Variants in ASTN2 observed in about 807,000 individuals in gnomAD.
The protein encoded by ASTN2 is astrotactin-2.
In ASTN2, 54 loss-of-function variants were observed where a neutral mutation model predicts 139.8. The observed-to-expected ratio is 0.39, with a 90% CI of 0.31 to 0.48. The LOEUF is 0.48. Ranked by LOEUF, ASTN2 falls within the 20% of genes least tolerant of loss-of-function variation. The pLI is 0.95. For synonymous variants in ASTN2, 756 were observed against 719.5 expected (o/e 1.05, Z -0.81); for missense variants, 1,565 against 1,725.1 (o/e 0.91, Z 1.64).
chr9:116,685,828 T>G (rs113850994), intron 16 of ASTN2, among the ~76,000 whole-genome samples: 2,798 of 152,126 alleles, frequency 0.018, 87 homozygotes, highest in African/African-American at 0.064. Context: ...CCAGGAGTAT[T>G]TTTAACACTC....
Position 117,161,742 on chromosome 9 carries a change from A to G in ASTN2, c.1016-20264T>C, listed in dbSNP as rs1830557890. Among the ~76,000 whole-genome samples the G allele has an allele frequency of 3.3e-5, 5 of 152,162 alleles. No individual in the cohort carries two copies. The South Asian group carries it at 1.0e-3, about 32-fold the overall frequency. On this transcript the variant is annotated intron_variant, in intron 3 of 22. Coordinates refer to ENST00000313400, the MANE Select transcript of ASTN2 (RefSeq NM_001365068.1). The stretch of plus-strand genomic sequence containing the variant: ...CTTAAAGACTATGTAAGATTCATAT[A>G]TGGGGAGATGGAAGAGCAAAATTCT...
chr9:117,010,656 G>A (rs377183016), intron 6 of ASTN2, among the ~76,000 whole-genome samples: 3 of 150,378 alleles, frequency 2.0e-5, no homozygotes, highest in Admixed American at 6.8e-5. Flanking sequence ...TTTGTCTTAG[G>A]TCAGAATCAT....
At chr9:117,398,798 T>C (rs1052257868) in intron 1 of ASTN2, among the ~76,000 whole-genome samples, 3 of 152,212 alleles carry the variant, frequency 2.0e-5, no homozygotes, top group African/African-American at 7.2e-5. Flanking sequence ...TTAATATTTT[T>C]TGAGATGGAG....
intron 6 of ASTN2, among the ~76,000 whole-genome samples, chr9:117,023,108 A>G (rs755328653): frequency 2.6e-5 from 4 of 152,138 alleles, no homozygotes; most frequent in Non-Finnish European, 4.4e-5. Context: ...ACTGGCCAGG[A>G]GTGGAATGAA....
chr9:116,566,937 ATCT>A (rs1853263982), intron 19 of ASTN2, among the ~76,000 whole-genome samples: 1 of 152,138 alleles, frequency 6.6e-6, no homozygotes, highest in Non-Finnish European at 1.5e-5. Flanking sequence ...GCAAACTCCC[ATCT>A]TCTCTCACAT....
intron 22 of ASTN2, 126 bp downstream of exon 22, chr9:116,440,483 G>A (rs1474524302): frequency 2.3e-6 from 2 of 873,424 alleles, no homozygotes; most frequent in Admixed American, 2.9e-5. Context: ...GCCTTGACAC[G>A]ACCAAGGTGA....
rs376493735 is a variant in ASTN2 at position 116,558,939 on chromosome 9, T to C, written c.3355+59385A>G. On this transcript the variant is annotated intron_variant, in intron 19 of 22. Transcript: ENST00000313400. ...CTCATTCTCGTTCATTTAATATTTA[T>C]TGAGTGTCTACTATGAGCCAGTCAC... Among the ~76,000 whole-genome samples the C allele has an allele frequency of 3.7e-4, 57 of 152,374 alleles. No homozygotes were observed. In the East Asian group the frequency reaches 5.4e-3, roughly 14 times the overall value.
chr9:117,260,028 G>A (rs1269597014), intron 2 of ASTN2, among the ~76,000 whole-genome samples: 1 of 151,946 alleles, frequency 6.6e-6, no homozygotes, highest in Non-Finnish European at 1.5e-5. Context: ...CTTTCTTCTT[G>A]CTTTCCTTTC....
chr9:117,355,891 C>T (rs957912083), intron 1 of ASTN2, among the ~76,000 whole-genome samples: 1 of 152,108 alleles, frequency 6.6e-6, no homozygotes, highest in Non-Finnish European at 1.5e-5. Context: ...CTTGTCCATT[C>T]CAAGCACTTG....
intron 20 of ASTN2, among the ~76,000 whole-genome samples, chr9:116,448,366 C>T (rs113759724): frequency 0.017 from 2,498 of 149,750 alleles, 37 homozygotes; most frequent in Non-Finnish European, 0.027. Flanking sequence ...CCAGCTTAAG[C>T]TTTGGGTCTG....
At chr9:116,489,425 C>T (rs192168744) in intron 19 of ASTN2, among the ~76,000 whole-genome samples, 1 of 152,122 alleles carries the variant, frequency 6.6e-6, no homozygotes, top group African/African-American at 2.4e-5. Context: ...AAGCCTCTGC[C>T]CCGCAGGCTC....
rs150492779 is a variant in ASTN2 at position 117,151,021 on chromosome 9, T to C, written c.1016-9543A>G. On this transcript the variant is annotated intron_variant, in intron 3 of 22. Transcript: ENST00000313400. ...TAGTCAGAGAATGAGTACATTTTTA[T>C]TGTGCCAAGAAAACATTTTTAAAAA... Among the ~76,000 whole-genome samples the C allele has an allele frequency of 4.3e-3, 653 of 152,144 alleles. 3 individuals carry two copies. Among genetic ancestry groups the C allele is most frequent in the African/African-American group, 0.015 (609 of 41,502 alleles).
At chr9:117,401,965 G>C (rs115689691) in intron 1 of ASTN2, among the ~76,000 whole-genome samples, 612 of 152,292 alleles carry the variant, frequency 4.0e-3, no homozygotes, top group Non-Finnish European at 5.5e-3. Context: ...AGAAGGGAGA[G>C]GCAGCAGGAA....
intron 1 of ASTN2, among the ~76,000 whole-genome samples, chr9:117,310,162 G>A (rs1461060016): frequency 6.6e-6 from 1 of 152,070 alleles, no homozygotes; most frequent in Non-Finnish European, 1.5e-5. Flanking sequence ...ATATATAACA[G>A]GTTTGAGAGG....
chr9:116,767,806 A>G (rs2132179102), intron 13 of ASTN2, among the ~76,000 whole-genome samples: 1 of 152,286 alleles, frequency 6.6e-6, no homozygotes, highest in South Asian at 2.1e-4. Flanking sequence ...AGAGGAATGG[A>G]GCAATGTGGT....
chr9:116,619,688 ATT>A (rs766517097), intron 18 of ASTN2, among the ~76,000 whole-genome samples: 65 of 74,296 alleles, frequency 8.7e-4, no homozygotes, highest in African/African-American at 3.4e-3. Flanking sequence ...CACACGGGCT[ATT>A]TTTTTTTTTT....
chr9:117,039,250 T>C (rs1331723763), intron 6 of ASTN2, among the ~76,000 whole-genome samples: 1 of 152,098 alleles, frequency 6.6e-6, no homozygotes, highest in Non-Finnish European at 1.5e-5. Context: ...TATGAAGCCA[T>C]AAAAAGGAAT....
rs201244056 is a variant in ASTN2, at chr9:117,332,580, A to AAAC, written c.443-41070_443-41068dup. On this transcript the variant is annotated intron_variant, in intron 1 of 22. Transcript: ENST00000313400. ...CTCCATCTCAAACAAACAAACAAAC[A>AAAC]AACAACAACAACAAAAAGGACACAG... Among the ~76,000 whole-genome samples, 1,269 of 152,288 alleles carry AAAC rather than the reference A, an allele frequency of 8.3e-3. 16 individuals carry two copies. The highest frequency in any genetic ancestry group is 0.029 in the African/African-American group (1,212 of 41,564).
At chr9:116,999,454 C>A (rs958556749) in intron 7 of ASTN2, among the ~76,000 whole-genome samples, 2 of 150,718 alleles carry the variant, frequency 1.3e-5, no homozygotes, top group East Asian at 2.0e-4. Flanking sequence ...TACTCAAGGT[C>A]GACTGGCAAA....
Sources: allele counts gnomAD v4.1 joint callset (sites outside exome capture counted in the v4.1 genomes callset), GRCh38; gene constraint gnomAD v4.1.1; transcripts MANE v1.5; gene names NCBI Gene and HGNC (gene_info 2026-07-23, HGNC 2026-07-21).